Variants in HDAC9 observed in about 807,000 individuals in gnomAD.
The protein encoded by HDAC9 is histone deacetylase 9, also known as MEF-2 interacting transcription repressor (MITR) protein.
A neutral mutation model predicts 139.4 loss-of-function variants in HDAC9; 41 were observed. That is an observed-to-expected ratio of 0.29 (90% confidence interval 0.23 to 0.38). The LOEUF is 0.38. Ranked by LOEUF, HDAC9 falls within the 10% of genes least tolerant of loss-of-function variation. HDAC9 has a pLI of 1.00. For synonymous variants in HDAC9, 517 were observed against 476.2 expected, an observed-to-expected ratio of 1.09 and a Z score of -1.12; for missense variants, 1,147 against 1,297.0, an observed-to-expected ratio of 0.88 and a Z score of 1.78.
intron 2 of HDAC9, among the ~76,000 whole-genome samples, chr7:18,177,843 A>G (rs1489344790): frequency 6.6e-6 from 1 of 152,196 alleles, no homozygotes; most frequent in Non-Finnish European, 1.5e-5. Context: ...AGTGAAGAAT[A>G]AAGGGCACTT....
At chr7:18,623,451 A>G (rs1002626588) in intron 6 of HDAC9, among the ~76,000 whole-genome samples, 1 of 152,202 alleles carries the variant, frequency 6.6e-6, no homozygotes, top group Non-Finnish European at 1.5e-5. Flanking sequence ...TAATTTTAAC[A>G]TAACTTCATC....
chr7:18,187,243 A>G (rs995306184), intron 2 of HDAC9, among the ~76,000 whole-genome samples: 4 of 152,214 alleles, frequency 2.6e-5, no homozygotes, highest in African/African-American at 9.6e-5. Context: ...ATCTCATTGA[A>G]TCTTCACAGC....
At position 18,772,640 on chromosome 7, in the gene HDAC9, A is replaced by G. The variant is rs563354251; in HGVS notation, c.2214+5485A>G. On this transcript the variant is annotated intron_variant, in intron 16 of 25. Coordinates refer to ENST00000686413, the MANE Select transcript of HDAC9 (RefSeq NM_178425.4). ...AACTTTTTCCCTCCAGCACAATAAA[A>G]GGATCCACCCTGATTTAGAATCTCT... 8.2e-4 allele frequency among the ~76,000 whole-genome samples: 125 copies of G among 152,174 alleles called. 1 individual carries two copies. The highest frequency in any genetic ancestry group is 2.9e-3 in the African/African-American group (121 of 41,550).
chr7:18,485,236 G>A (rs1009335465), intron 1 of HDAC9, among the ~76,000 whole-genome samples: 2 of 152,070 alleles, frequency 1.3e-5, no homozygotes, highest in African/African-American at 2.4e-5. Flanking sequence ...ATCAAGCTTC[G>A]TTTCTCATAT....
chr7:18,500,842 T>TA (rs1367977570), intron 2 of HDAC9, among the ~76,000 whole-genome samples: 1 of 151,704 alleles, frequency 6.6e-6, no homozygotes, highest in African/African-American at 2.4e-5. Context: ...AATTTTATAT[T>TA]AAAAAAAGCT....
chr7:18,713,498 T>A (rs977610611), intron 12 of HDAC9, among the ~76,000 whole-genome samples: 2 of 152,296 alleles, frequency 1.3e-5, no homozygotes, highest in Admixed American at 6.5e-5. Flanking sequence ...AAACATCATG[T>A]TTAACACCAT....
At chr7:18,204,913 C>G (rs907669573) in intron 2 of HDAC9, among the ~76,000 whole-genome samples, 1 of 151,704 alleles carries the variant, frequency 6.6e-6, no homozygotes, top group Non-Finnish European at 1.5e-5. Context: ...TATTTTGTTT[C>G]TTTTATTGAC....
chr7:18,769,374 T>C (rs983691612), intron 16 of HDAC9, among the ~76,000 whole-genome samples: 1 of 151,982 alleles, frequency 6.6e-6, no homozygotes, highest in Non-Finnish European at 1.5e-5. Context: ...GGTCATAGAG[T>C]AAGTCCTTAG....
chr7:18,144,826 C>T (rs1163140396), intron 1 of HDAC9, among the ~76,000 whole-genome samples: 1 of 152,180 alleles, frequency 6.6e-6, no homozygotes, highest in Non-Finnish European at 1.5e-5. Context: ...TGCACAGTCA[C>T]ACATTCTGTT....
chr7:18,668,383 A>G, intron 12 of HDAC9: 2 of 932,572 alleles, frequency 2.1e-6, no homozygotes, highest in Non-Finnish European at 2.6e-6. Flanking sequence ...TATTTTTTCC[A>G]TCTCATAAAT....
chr7:18,246,816 T>A (rs1794571224), intron 2 of HDAC9, among the ~76,000 whole-genome samples: 1 of 152,104 alleles, frequency 6.6e-6, no homozygotes, highest in Admixed American at 6.5e-5. Context: ...GCAGATTGAC[T>A]AGGAGGTTAT....
At chr7:18,356,772 G>A (rs1012021230) in intron 1 of HDAC9, among the ~76,000 whole-genome samples, 1 of 151,858 alleles carries the variant, frequency 6.6e-6, no homozygotes, top group Admixed American at 6.6e-5. Flanking sequence ...AGATCGCATC[G>A]GAAGAATCCG....
chr7:18,682,131 A>T, intron 12 of HDAC9, among the ~76,000 whole-genome samples: 1 of 152,082 alleles, frequency 6.6e-6, no homozygotes, highest in Admixed American at 6.6e-5. Context: ...CAATACAGAC[A>T]TTTAAAATGA....
intron 1 of HDAC9, among the ~76,000 whole-genome samples, chr7:18,388,205 T>G (rs994211768): frequency 6.6e-6 from 1 of 152,176 alleles, no homozygotes; most frequent in Non-Finnish European, 1.5e-5. Context: ...GATAATCAAA[T>G]AAGACCATTC....
chr7:18,941,807 G>T (rs967101341), intron 23 of HDAC9, among the ~76,000 whole-genome samples: 1 of 152,150 alleles, frequency 6.6e-6, no homozygotes, highest in Non-Finnish European at 1.5e-5. Flanking sequence ...ACTTTTCAGT[G>T]TAGATGTGGC....
intron 17 of HDAC9, among the ~76,000 whole-genome samples, chr7:18,795,926 A>C (rs1232525208): frequency 6.6e-6 from 1 of 152,214 alleles, no homozygotes; most frequent in African/African-American, 2.4e-5. Flanking sequence ...CTTGGAAGAA[A>C]ATAGGGAAGC....
chr7:18,746,787 A>G (rs903941510), intron 13 of HDAC9, among the ~76,000 whole-genome samples: 10 of 152,210 alleles, frequency 6.6e-5, no homozygotes, highest in Admixed American at 1.3e-4. Flanking sequence ...AAACACGACT[A>G]TCATCTGCAC....
At chr7:18,466,897 C>T (rs1794325606) in intron 1 of HDAC9, among the ~76,000 whole-genome samples, 2 of 152,208 alleles carry the variant, frequency 1.3e-5, no homozygotes, top group Non-Finnish European at 2.9e-5. Flanking sequence ...TTATTCTTCT[C>T]AATCTCCTTA....
chr7:18,186,381 G>A (rs1044249396), intron 2 of HDAC9, among the ~76,000 whole-genome samples: 8 of 152,252 alleles, frequency 5.3e-5, no homozygotes, highest in African/African-American at 1.9e-4. Context: ...AGGAACAGGT[G>A]CACTGCTGGT....
Sources: allele counts gnomAD v4.1 joint callset (sites outside exome capture counted in the v4.1 genomes callset), GRCh38; gene constraint gnomAD v4.1.1; transcripts MANE v1.5; gene names NCBI Gene and HGNC (gene_info 2026-07-23, HGNC 2026-07-21).